PTK7: variants seen among roughly 807,000 people sequenced by gnomAD.
PTK7 encodes inactive tyrosine-protein kinase 7.
PTK7 carries 39 observed loss-of-function variants against 116.6 expected under a neutral mutation model. The ratio of observed to expected loss-of-function variants is 0.33; its 90% CI spans 0.26 to 0.44. PTK7 has a LOEUF of 0.44. Ranked by LOEUF, PTK7 falls within the 20% of genes least tolerant of loss-of-function variation. The pLI, the probability that PTK7 is intolerant of heterozygous loss-of-function variation, is 1.00. For missense variants in PTK7, 1,169 were observed against 1,425.6 expected (o/e 0.82, Z 2.90); for synonymous variants, 546 against 563.6 (o/e 0.97, Z 0.44).
chr6:43,109,810 T>A (rs1467341450), intron 1 of PTK7, among the ~76,000 whole-genome samples: 5 of 151,242 alleles, frequency 3.3e-5, no homozygotes, highest in Admixed American at 2.6e-4. Context: ...ACCATTCTCC[T>A]GGCTTAGCCT....
chr6:43,142,557 CTG>C (rs1770486471), intron 13 of PTK7: 2 of 583,622 alleles, frequency 3.4e-6, no homozygotes, highest in East Asian at 6.8e-5. Context: ...TCCTACAATG[CTG>C]CCTCCCAGGT....
At chr6:43,151,523 GTTTGTTT>G (rs1482714494) in intron 17 of PTK7, among the ~76,000 whole-genome samples, 7 of 112,030 alleles carry the variant, frequency 6.2e-5, no homozygotes, top group East Asian at 5.6e-4. Context: ...CCGTTTTTTT[GTTTGTTT>G]TTTGTTTTTT....
intron 1 of PTK7, among the ~76,000 whole-genome samples, chr6:43,116,936 G>C (rs1000026213): frequency 6.6e-6 from 1 of 152,110 alleles, no homozygotes; most frequent in Admixed American, 6.6e-5. Flanking sequence ...CGATTCTCGT[G>C]CTTCAGCCTC....
chr6:43,091,108 G>C (rs780772999), intron 1 of PTK7, among the ~76,000 whole-genome samples: 79 of 151,698 alleles, frequency 5.2e-4, no homozygotes, highest in Non-Finnish European at 1.1e-3. Flanking sequence ...CAGCTTACTG[G>C]CTGAGAGACC....
rs1732798482 is a variant in PTK7 at position 43,128,899 on chromosome 6, CT to C, written c.80-77del. ...TCCTGTGTACACAGCCCCTTTCCTC[CT>C]GTGCACAAGGTGGCCTGTGTTAGGA... On this transcript the variant is annotated intron_variant, in intron 1 of 19. Coordinates refer to ENST00000230419, the MANE Select transcript of PTK7 (RefSeq NM_002821.5). 2.7e-6 allele frequency: 4 copies of C among 1,457,846 alleles called. No homozygotes were observed. The East Asian group carries it at 6.9e-5, about 25-fold the overall frequency. 90.3% of individuals were successfully genotyped at this position (1,457,846 alleles called of 1,614,324 possible).
Position 43,139,603 on chromosome 6 carries a change from C to T in PTK7, c.1618+78C>T, listed in dbSNP as rs1317919788. 15 of 1,578,502 alleles carry T rather than the reference C, an allele frequency of 9.5e-6. No individual in the cohort carries two copies. The highest frequency in any genetic ancestry group is 1.2e-5 in the Non-Finnish European group (14 of 1,162,570). ...ATACATACCTGAGGGCTGCTGGGTG[C>T]CCCGCACTGTGCCAGGAAATGTGGA... is the stretch of plus-strand genomic sequence containing the variant. On this transcript the variant is annotated intron_variant, in intron 10 of 19. Transcript: ENST00000230419. The surrounding 1 kb of genome is among the most constrained non-coding windows in gnomAD (Gnocchi z 4.6).
At chr6:43,157,377 T>TC (rs1771559501) in intron 17 of PTK7, among the ~76,000 whole-genome samples, 2 of 69,754 alleles carry the variant, frequency 2.9e-5, no homozygotes, top group African/African-American at 8.3e-5. Flanking sequence ...TTTTTTTTTC[T>TC]TTTTTTTTTT....
chr6:43,100,654 T>G (rs1169534182), intron 1 of PTK7, among the ~76,000 whole-genome samples: 1 of 152,142 alleles, frequency 6.6e-6, no homozygotes, highest in Non-Finnish European at 1.5e-5. Context: ...TTATATAATT[T>G]CCAAAATACT....
At position 43,129,274 on chromosome 6, in the gene PTK7, AG is replaced by A; in HGVS notation, c.367+16del. The A allele has an allele frequency of 2.5e-6, 4 of 1,613,840 alleles. No homozygotes were observed. The highest frequency in any genetic ancestry group is 3.4e-6 in the Non-Finnish European group (4 of 1,179,972). ...TCCTTCAACATCAAATGTGAGAGCC[AG>A]GGGGGCTGTGCCCAGTCCCCCTGTC... On this transcript the variant is annotated intron_variant, in intron 2 of 19. Transcript: ENST00000230419. The surrounding 1 kb of genome is among the most constrained non-coding windows in gnomAD (Gnocchi z 4.5).
intron 17 of PTK7, among the ~76,000 whole-genome samples, chr6:43,149,549 T>A (rs1391165061): frequency 6.6e-6 from 1 of 152,008 alleles, no homozygotes; most frequent in Non-Finnish European, 1.5e-5. Context: ...TTGATTATAA[T>A]CCCTTTTAGG....
At chr6:43,151,986 A>G (rs1442758174) in intron 17 of PTK7, among the ~76,000 whole-genome samples, 1 of 151,954 alleles carries the variant, frequency 6.6e-6, no homozygotes, top group Non-Finnish European at 1.5e-5. Flanking sequence ...CTGGGACTAC[A>G]GGCACCCACC....
At chr6:43,121,240 A>G (rs3828756) in intron 1 of PTK7, among the ~76,000 whole-genome samples, 19,969 of 152,010 alleles carry the variant, frequency 0.13, 2,202 homozygotes, top group East Asian at 0.31. Context: ...TACTCCTGCC[A>G]TTAGAGGTTA....
At chr6:43,157,986 A>AT (rs1050532088) in intron 17 of PTK7, among the ~76,000 whole-genome samples, 12 of 149,058 alleles carry the variant, frequency 8.1e-5, no homozygotes, top group Middle Eastern at 3.4e-3. Flanking sequence ...TTGGTAAAGA[A>AT]TTTTTTTTTT....
intron 1 of PTK7, among the ~76,000 whole-genome samples, chr6:43,090,210 G>A (rs1232402819): frequency 1.3e-5 from 2 of 152,218 alleles, no homozygotes; most frequent in African/African-American, 2.4e-5. Flanking sequence ...AGGTGGCACC[G>A]CTCTCTGCCC....
chr6:43,130,118 C>A, intron 3 of PTK7, 112 bp from the exon 4 acceptor site: 1 of 1,154,024 alleles, frequency 8.7e-7, no homozygotes, highest in Non-Finnish European at 1.2e-6. Context: ...TTCCTCAGGC[C>A]GTTTCTCCAT....
At chr6:43,113,415 A>G (rs1159062330) in intron 1 of PTK7, among the ~76,000 whole-genome samples, 2 of 152,070 alleles carry the variant, frequency 1.3e-5, no homozygotes, top group Non-Finnish European at 2.9e-5. Flanking sequence ...CCTGGGTGAC[A>G]GAGCGGTACT....
rs1771833722 is a variant in PTK7, at chr6:43,161,344, G to A, written c.*463G>A. Reference sequence around the variant, plus strand: ...CTTGGCCCACTGGTCCCACTTGGGGGTCTAGACCAGGATTATAGAGGACAC... The same window carrying A: ...CTTGGCCCACTGGTCCCACTTGGGGATCTAGACCAGGATTATAGAGGACAC... On this transcript the variant is annotated 3_prime_UTR_variant, in exon 20 of 20. Transcript: ENST00000230419. The A allele has an allele frequency of 5.9e-6, 1 of 169,282 alleles. No homozygotes were observed. Among genetic ancestry groups the A allele is most frequent in the East Asian group, 1.6e-4 (1 of 6,270 alleles). The allele number at this position is 169,282 out of a possible 1,614,324, so 10.5% of individuals were successfully genotyped here.
chr6:43,122,410 G>T (rs1273068370), intron 1 of PTK7, among the ~76,000 whole-genome samples: 3 of 151,120 alleles, frequency 2.0e-5, no homozygotes, highest in Non-Finnish European at 4.4e-5. Context: ...GAACATTTAT[G>T]CTTCTCAGGT....
intron 15 of PTK7, 174 bp downstream of exon 15, chr6:43,144,780 T>A: frequency 1.5e-6 from 1 of 675,876 alleles, no homozygotes; most frequent in Non-Finnish European, 2.3e-6. Context: ...TTCACTGCCC[T>A]TCGTGCAGAT....
Sources: gnomAD v4.1 joint callset for allele counts (sites outside exome capture counted in the v4.1 genomes callset) on GRCh38, gnomAD v4.1.1 for gene constraint, Gnocchi (gnomAD v3.1) non-coding constraint, MANE v1.5 for transcripts, NCBI Gene and HGNC (gene_info 2026-07-23, HGNC 2026-07-21) for gene names.